Variants in ZNF16 observed in about 807,000 individuals in gnomAD.
The protein encoded by ZNF16 is zinc finger protein 16, also known as zinc finger protein KOX9.
A neutral mutation model predicts 9.0 loss-of-function variants in ZNF16; 7 were observed. That is an observed-to-expected ratio of 0.78 (90% CI 0.44 to 1.47). The LOEUF is 1.47. ZNF16 is among the 40% of genes most tolerant of loss of function. The pLI, the probability that ZNF16 is intolerant of heterozygous loss-of-function variation, is 0.01. For missense variants in ZNF16, 830 were observed against 854.2 expected (o/e 0.97, Z 0.35); for synonymous variants, 312 against 301.5 (o/e 1.03, Z -0.36).
intron 1 of ZNF16, among the ~76,000 whole-genome samples, chr8:144,948,980 A>T (rs1187920989): frequency 1.3e-5 from 2 of 152,262 alleles, no homozygotes; most frequent in East Asian, 3.8e-4. Context: ...TCTGAGGGCC[A>T]CATGGAAGGA....
intron 1 of ZNF16, among the ~76,000 whole-genome samples, chr8:144,950,108 G>A (rs931415021): frequency 7.9e-5 from 12 of 151,992 alleles, no homozygotes; most frequent in Non-Finnish European, 1.6e-4. Flanking sequence ...TTTGGGTGGA[G>A]AGAAACAAAT....
chr8:144,932,383 T>A lies in ZNF16; in HGVS notation c.404A>T (p.Asp135Val), dbSNP rs1226884942. 1 of 1,613,908 alleles carries A rather than the reference T, an allele frequency of 6.2e-7. No homozygotes were observed. Among genetic ancestry groups the A allele is most frequent in the Non-Finnish European group, 8.5e-7 (1 of 1,180,004 alleles). ...RLPQSLSQEG[D>V]FTPAAMGLLR... ...GAGCCCCATGGCAGCTGGTGTGAAGTCCCCCTCCTGGGAGAGGGACTGTGG... is the reference window on the plus strand; with the variant it reads ...GAGCCCCATGGCAGCTGGTGTGAAGACCCCCTCCTGGGAGAGGGACTGTGG... Residue 135 changes from aspartate (D) to valine (V), a missense_variant, in exon 3 of 3, where the codon GAC (aspartate) becomes GTC (valine). Asp to Val is a radical substitution (Grantham distance 152, BLOSUM62 -3). Transcript: ENST00000394909. The surrounding 1 kb of genome is among the most constrained non-coding windows in gnomAD (Gnocchi z 5.0).
intron 1 of ZNF16, 52 bp from the exon 2 acceptor site, chr8:144,946,267 A>T (rs1833925456): frequency 8.5e-6 from 12 of 1,413,818 alleles, no homozygotes; most frequent in Non-Finnish European, 1.1e-5. Context: ...AGCTCTAGGG[A>T]TTCATCCTCC....
In ZNF16 at chr8:144,942,065, T is replaced by C. The variant is rs1281761422; in HGVS notation, c.196+3946A>G. On this transcript the variant is annotated intron_variant, in intron 2 of 2. Transcript: ENST00000394909. ...CGATCTTGGCTCATTGCAAGCTCCGTCTCCCGGGTTCACGCCATTCTCCTG... is the reference window on the plus strand; with the variant it reads ...CGATCTTGGCTCATTGCAAGCTCCGCCTCCCGGGTTCACGCCATTCTCCTG... 3.6e-5 allele frequency among the ~76,000 whole-genome samples: 5 copies of C among 138,240 alleles called. 1 individual carries two copies. Among genetic ancestry groups the C allele is most frequent in the Admixed American group, 7.3e-5 (1 of 13,696 alleles). The allele number at this position is 138,240 out of a possible 152,430, so 90.7% of individuals were successfully genotyped here. A position where few individuals can be genotyped will look rare whatever the true frequency, so the allele number is the denominator to read the frequency against.
intron 2 of ZNF16, chr8:144,945,748 T>G: frequency 8.4e-6 from 4 of 476,904 alleles, no homozygotes; most frequent in East Asian, 4.0e-5. Context: ...GGGTCAGGAG[T>G]ATAGGGCAAA....
intron 1 of ZNF16, among the ~76,000 whole-genome samples, chr8:144,946,544 ACTGCTGTGGGGCCTGTACC>A (rs1480265287): frequency 9.1e-6 from 1 of 109,998 alleles, no homozygotes; most frequent in African/African-American, 4.0e-5. Context: ...GGGCCTGTGT[ACTGCTGTGGGGCCTGTACC>A]CTGCTGTGGG....
intron 1 of ZNF16, chr8:144,948,126 G>A (rs1834008162): frequency 6.6e-6 from 1 of 152,418 alleles, no homozygotes; most frequent in Non-Finnish European, 1.5e-5. Context: ...AAGAAGGGCT[G>A]GGTGGTGCTC....
rs375084099 is a variant in ZNF16 at position 144,942,041 on chromosome 8, G to A, written c.196+3970C>T. ...CTCCCAGGCTGGAGTGCAGTGGCGC[G>A]ATCTTGGCTCATTGCAAGCTCCGTC... On this transcript the variant is annotated intron_variant, in intron 2 of 2. Coordinates refer to ENST00000394909, the MANE Select transcript of ZNF16 (RefSeq NM_006958.3). Among the ~76,000 whole-genome samples the A allele has an allele frequency of 1.7e-3, 240 of 138,284 alleles. 1 individual carries two copies. Among genetic ancestry groups the A allele is most frequent in the Non-Finnish European group, 3.0e-3 (196 of 64,988 alleles). The allele number at this position is 138,284 out of a possible 152,430, so 90.7% of individuals were successfully genotyped here.
At chr8:144,943,994 T>C (rs1302421683) in intron 2 of ZNF16, 3 of 152,166 alleles carry the variant, frequency 2.0e-5, no homozygotes, top group Non-Finnish European at 4.4e-5. Context: ...AATTTGTATT[T>C]CTTATTGATA....
intron 1 of ZNF16, among the ~76,000 whole-genome samples, chr8:144,946,923 C>CCT (rs1833963026): frequency 8.4e-5 from 9 of 107,102 alleles, no homozygotes; most frequent in Non-Finnish European, 1.5e-4. Context: ...TGCTGTGGGC[C>CCT]ATACCCTTCT....
At chr8:144,937,278 G>T (rs954601100) in intron 2 of ZNF16, among the ~76,000 whole-genome samples, 1 of 151,324 alleles carries the variant, frequency 6.6e-6, no homozygotes, top group Non-Finnish European at 1.5e-5. Context: ...TGGAACTACG[G>T]GCACATGCCA....
chr8:144,950,186 T>C (rs1442913490), intron 1 of ZNF16, among the ~76,000 whole-genome samples: 2 of 152,124 alleles, frequency 1.3e-5, no homozygotes, highest in East Asian at 3.9e-4. Flanking sequence ...ATTCTTTTGC[T>C]CACATGCTTT....
intron 2 of ZNF16, among the ~76,000 whole-genome samples, chr8:144,938,089 TATG>T (rs1833725508): frequency 6.6e-6 from 1 of 152,252 alleles, no homozygotes; most frequent in Admixed American, 6.5e-5. Context: ...GCCACATATG[TATG>T]CGTTTATTTC....
At chr8:144,936,189 T>A (rs533371677) in intron 2 of ZNF16, among the ~76,000 whole-genome samples, 3 of 152,370 alleles carry the variant, frequency 2.0e-5, no homozygotes, top group African/African-American at 7.2e-5. Context: ...TGTGACCTTT[T>A]GTGTCTGGCT....
At chr8:144,949,605 C>T (rs1692150263) in intron 1 of ZNF16, among the ~76,000 whole-genome samples, 1 of 152,200 alleles carries the variant, frequency 6.6e-6, no homozygotes, top group African/African-American at 2.4e-5. Flanking sequence ...TTTGAGCTCA[C>T]AAAAACATGT....
At chr8:144,947,146 C>G (rs1445055509) in intron 1 of ZNF16, among the ~76,000 whole-genome samples, 5 of 131,764 alleles carry the variant, frequency 3.8e-5, no homozygotes, top group Non-Finnish European at 6.2e-5. Flanking sequence ...GGGCCATACC[C>G]TTCTGTGGGC....
chr8:144,945,884 G>A, intron 2 of ZNF16, 127 bp downstream of exon 2: 1 of 1,464,408 alleles, frequency 6.8e-7, no homozygotes, highest in Non-Finnish European at 9.1e-7. Context: ...TTGGCTCCTT[G>A]AGTCAGAGTA....
intron 1 of ZNF16, among the ~76,000 whole-genome samples, chr8:144,946,518 T>C (rs1022155443): frequency 7.1e-6 from 1 of 139,962 alleles, no homozygotes; most frequent in African/African-American, 2.6e-5. Context: ...CCCCACAGGG[T>C]CTGTGTCCTG....
chr8:144,947,370 GCTGTGGGCCTGTA>G (rs1400471025), intron 1 of ZNF16, among the ~76,000 whole-genome samples: 2,576 of 149,984 alleles, frequency 0.017, 22 homozygotes, highest in Non-Finnish European at 0.029. Context: ...CCTGTATCCT[GCTGTGGGCCTGTA>G]TCCTGCTGTG....
Sources: allele counts gnomAD v4.1 joint callset (sites outside exome capture counted in the v4.1 genomes callset), GRCh38; gene constraint gnomAD v4.1.1; non-coding constraint Gnocchi (gnomAD v3.1); transcripts MANE v1.5; gene names NCBI Gene and HGNC (gene_info 2026-07-23, HGNC 2026-07-21).